Variants in CYRIB observed in about 807,000 individuals in gnomAD.
CYRIB encodes the protein CYFIP-related Rac1 interactor B.
Under a neutral mutation model 44.2 loss-of-function variants are expected in CYRIB, and 8 were observed. The observed-to-expected ratio is 0.18, with a 90% CI of 0.11 to 0.33. The LOEUF is 0.33. Ranked by LOEUF, CYRIB falls within the 10% of genes least tolerant of loss-of-function variation. The probability of loss-of-function intolerance (pLI) is 1.00; values close to 1 mark genes in which losing one functional copy is unlikely to be tolerated. For synonymous variants in CYRIB, 131 were observed against 127.2 expected (o/e 1.03, Z -0.20); for missense variants, 185 against 382.8 (o/e 0.48, Z 4.31).
chr8:129,894,247 A>C (rs2066802426), intron 2 of CYRIB, among the ~76,000 whole-genome samples: 1 of 152,216 alleles, frequency 6.6e-6, no homozygotes. Context: ...TGCTCTCCCA[A>C]GTGCTTCCAT....
At chr8:129,984,772 T>C (rs2096387690) in intron 1 of CYRIB, among the ~76,000 whole-genome samples, 1 of 152,028 alleles carries the variant, frequency 6.6e-6, no homozygotes, top group Non-Finnish European at 1.5e-5. Flanking sequence ...GGGGTTTTTT[T>C]TGTTTTTGTT....
intron 2 of CYRIB, among the ~76,000 whole-genome samples, chr8:129,891,693 C>T (rs1009544040): frequency 3.3e-5 from 5 of 152,202 alleles, no homozygotes; most frequent in African/African-American, 4.8e-5. Context: ...GACTTGATTT[C>T]TAGTCCTGAC....
chr8:129,994,848 C>T (rs751019437), intron 1 of CYRIB, among the ~76,000 whole-genome samples: 3 of 152,242 alleles, frequency 2.0e-5, no homozygotes, highest in Non-Finnish European at 4.4e-5. Context: ...GCCAAGGCCA[C>T]GTCACAGGAC....
intron 11 of CYRIB, among the ~76,000 whole-genome samples, chr8:129,842,870 TTCTG>T (rs2037259074): frequency 6.6e-6 from 1 of 152,228 alleles, no homozygotes; most frequent in South Asian, 2.1e-4. Flanking sequence ...CCCTTTTCTA[TTCTG>T]TATTTAAGAT....
At chr8:129,948,004 C>G (rs1345593755) in intron 2 of CYRIB, 1 of 152,206 alleles carries the variant, frequency 6.6e-6, no homozygotes, top group African/African-American at 2.4e-5. Flanking sequence ...TGCCAAGCTT[C>G]CCATTTTTTC....
intron 4 of CYRIB, 48 bp from the exon 7 acceptor site, chr8:129,862,382 G>A: frequency 1.5e-6 from 2 of 1,314,276 alleles, no homozygotes; most frequent in Non-Finnish European, 2.2e-6. Context: ...AAAAAAAAAA[G>A]GTTCATTTTT....
intron 2 of CYRIB, among the ~76,000 whole-genome samples, chr8:129,950,465 G>A (rs1368191945): frequency 2.0e-5 from 3 of 152,020 alleles, no homozygotes; most frequent in Admixed American, 1.3e-4. Context: ...AGCTACTTGC[G>A]AGGCTGAGAC....
At chr8:129,887,517 C>T (rs1006289617) in intron 2 of CYRIB, among the ~76,000 whole-genome samples, 4 of 152,282 alleles carry the variant, frequency 2.6e-5, no homozygotes, top group Non-Finnish European at 5.9e-5. Flanking sequence ...AACATAGCTG[C>T]GAGAAGGGGG....
chr8:129,964,745 G>A (rs985863319), intron 2 of CYRIB, among the ~76,000 whole-genome samples: 7 of 152,204 alleles, frequency 4.6e-5, no homozygotes, highest in East Asian at 1.9e-4. Context: ...TGAGCCAGGC[G>A]TGGTGGCACA....
chr8:129,872,885 A>G (rs1041633934), intron 3 of CYRIB, among the ~76,000 whole-genome samples: 10 of 151,980 alleles, frequency 6.6e-5, no homozygotes, highest in African/African-American at 2.4e-4. Context: ...TGATTTCTTT[A>G]TTCCTTTACT....
At position 129,854,024 on chromosome 8, in the gene CYRIB, C is replaced by T. The variant is rs150752383; in HGVS notation, c.516+242G>A. 2.1e-3 allele frequency among the ~76,000 whole-genome samples: 325 copies of T among 152,254 alleles called. 1 individual carries two copies. Among genetic ancestry groups the T allele is most frequent in the African/African-American group, 7.4e-3 (308 of 41,540 alleles). On this transcript the variant is annotated intron_variant, in intron 7 of 11. Coordinates refer to ENST00000519824, the Ensembl canonical transcript of CYRIB. Reference sequence around the variant, plus strand: ...CATCGCGAAATTTTATAAGGATCAACGTTATACAGATAAGCAATTTTGTTG... The same window carrying T: ...CATCGCGAAATTTTATAAGGATCAATGTTATACAGATAAGCAATTTTGTTG...
chr8:129,869,381 C>CAA (rs572134261), intron 4 of CYRIB, among the ~76,000 whole-genome samples: 1,622 of 73,350 alleles, frequency 0.022, 41 homozygotes, highest in African/African-American at 0.065. Flanking sequence ...AACTCTGCCT[C>CAA]AAAAAAAAAA....
Position 129,947,419 on chromosome 8 carries a change from AAAC to A in CYRIB, c.-243+23521_-243+23523del, listed in dbSNP as rs1418061496. Among the ~76,000 whole-genome samples the A allele has an allele frequency of 2.0e-5, 3 of 152,302 alleles. No homozygotes were observed. The East Asian group carries it at 5.8e-4, about 29-fold the overall frequency. ...TTAACTAAAAAAACCCCAAAGAAAT[AAAC>A]AACCAAAAACCACCTCTTGTTACAA... is the stretch of plus-strand genomic sequence containing the variant. On this transcript the variant is annotated intron_variant, in intron 2 of 14. Transcript: ENST00000401979.
chr8:129,939,486 G>A (rs1336142326), intron 1 of CYRIB: 2 of 151,988 alleles, frequency 1.3e-5, no homozygotes, highest in Non-Finnish European at 2.9e-5. Context: ...CGCCTGGAAA[G>A]GAGGAAGCCC....
intron 1 of CYRIB, among the ~76,000 whole-genome samples, chr8:129,939,030 T>A (rs184333294): frequency 6.6e-6 from 1 of 152,256 alleles, no homozygotes; most frequent in Non-Finnish European, 1.5e-5. Context: ...CAACGCAGTA[T>A]CTAAGTTGGA....
intron 4 of CYRIB, among the ~76,000 whole-genome samples, chr8:129,863,510 GC>G (rs910640934): frequency 4.2e-4 from 64 of 151,128 alleles, no homozygotes; most frequent in African/African-American, 1.4e-3. Context: ...GGGTGATAGA[GC>G]GAGACTCTGT....
intron 1 of CYRIB, among the ~76,000 whole-genome samples, chr8:130,009,120 CA>C (rs1375849662): frequency 6.6e-6 from 1 of 152,240 alleles, no homozygotes; most frequent in East Asian, 1.9e-4. Context: ...AAAGACTTCA[CA>C]GTCAGGGAGT....
At chr8:129,964,645 A>G (rs2095403515) in intron 2 of CYRIB, among the ~76,000 whole-genome samples, 1 of 152,132 alleles carries the variant, frequency 6.6e-6, no homozygotes, top group South Asian at 2.1e-4. Context: ...GCACTTTGGG[A>G]GGCCAAGTCA....
intron 2 of CYRIB, among the ~76,000 whole-genome samples, chr8:129,965,262 G>A (rs2095427106): frequency 6.6e-6 from 1 of 151,916 alleles, no homozygotes; most frequent in South Asian, 2.1e-4. Context: ...GTGTGTGTGT[G>A]TGTGTGTGTG....
Sources: allele counts gnomAD v4.1 joint callset (sites outside exome capture counted in the v4.1 genomes callset), GRCh38; gene constraint gnomAD v4.1.1; transcripts MANE v1.5; gene names NCBI Gene and HGNC (gene_info 2026-07-23, HGNC 2026-07-21).